Variants in TMPRSS12 observed in about 807,000 individuals in gnomAD.
TMPRSS12 encodes the protein transmembrane protease serine 12.
In TMPRSS12, 25 loss-of-function variants were observed where a neutral mutation model predicts 26.0. The ratio of observed to expected loss-of-function variants is 0.96; its 90% confidence interval spans 0.70 to 1.34. TMPRSS12 has a LOEUF of 1.34. Among genes scored for constraint, TMPRSS12 ranks in the 40% most tolerant of loss-of-function variants. TMPRSS12 has a pLI of 0.00. For missense variants in TMPRSS12, 441 were observed against 440.1 expected, an observed-to-expected ratio of 1.00 and a Z score of -0.02; for synonymous variants, 150 against 161.7, an observed-to-expected ratio of 0.93 and a Z score of 0.55.
intron 3 of TMPRSS12, among the ~76,000 whole-genome samples, chr12:50,878,665 A>G (rs754231405): frequency 4.6e-5 from 7 of 152,224 alleles, no homozygotes; most frequent in Non-Finnish European, 8.8e-5. Flanking sequence ...ATTTATGGCC[A>G]GTTGATTTTC....
chr12:50,847,125 C>A (rs1937777314), intron 2 of TMPRSS12, among the ~76,000 whole-genome samples: 1 of 136,762 alleles, frequency 7.3e-6, no homozygotes, highest in Non-Finnish European at 1.5e-5. Flanking sequence ...GTGGCGCGAT[C>A]TCGGCTCACT....
chr12:50,861,937 G>C (rs1937939844), intron 3 of TMPRSS12, among the ~76,000 whole-genome samples: 1 of 151,786 alleles, frequency 6.6e-6, no homozygotes, highest in South Asian at 2.1e-4. Flanking sequence ...AGCCTCCCCA[G>C]TAGCTGGGAC....
At chr12:50,850,410 C>T (rs1273175648) in intron 2 of TMPRSS12, among the ~76,000 whole-genome samples, 3 of 152,144 alleles carry the variant, frequency 2.0e-5, no homozygotes, top group Admixed American at 2.0e-4. Flanking sequence ...GAGACCCTGT[C>T]TCTACAAAAA....
intron 3 of TMPRSS12, among the ~76,000 whole-genome samples, chr12:50,871,664 TGA>T (rs1938043796): frequency 6.6e-6 from 1 of 151,628 alleles, no homozygotes; most frequent in South Asian, 2.1e-4. Flanking sequence ...ACCCACAGAG[TGA>T]GAGAAAATCT....
intron 3 of TMPRSS12, among the ~76,000 whole-genome samples, chr12:50,859,586 G>A (rs1235812636): frequency 6.6e-6 from 1 of 151,980 alleles, no homozygotes; most frequent in Non-Finnish European, 1.5e-5. Flanking sequence ...TCGAACTCCT[G>A]GCCTCCTGTG....
intron 3 of TMPRSS12, among the ~76,000 whole-genome samples, chr12:50,882,421 C>T (rs1938184900): frequency 6.9e-6 from 1 of 145,734 alleles, no homozygotes; most frequent in South Asian, 2.2e-4. Context: ...GAAAAAAAGA[C>T]ATAAAGGTAA....
intron 3 of TMPRSS12, among the ~76,000 whole-genome samples, chr12:50,882,981 G>T (rs778607869): frequency 6.6e-6 from 1 of 152,076 alleles, no homozygotes; most frequent in Non-Finnish European, 1.5e-5. Context: ...ATAAATGCAG[G>T]CATTTCAAAC....
intron 3 of TMPRSS12, among the ~76,000 whole-genome samples, chr12:50,870,015 G>A (rs144673347): frequency 0.059 from 9,039 of 152,066 alleles, 306 homozygotes; most frequent in Middle Eastern, 0.12. Context: ...CCCAGGAGGC[G>A]GAGGTTGCAG....
At chr12:50,848,838 G>T (rs977061109) in intron 2 of TMPRSS12, among the ~76,000 whole-genome samples, 2 of 152,206 alleles carry the variant, frequency 1.3e-5, no homozygotes, top group Non-Finnish European at 2.9e-5. Context: ...ATAGGATATG[G>T]ATATGAGTAT....
At chr12:50,876,847 C>T (rs900283768) in intron 3 of TMPRSS12, among the ~76,000 whole-genome samples, 3 of 145,956 alleles carry the variant, frequency 2.1e-5, no homozygotes, top group African/African-American at 7.6e-5. Context: ...AAGTGTGGTA[C>T]ATATGCACCA....
intron 3 of TMPRSS12, among the ~76,000 whole-genome samples, chr12:50,881,983 A>T (rs1592225571): frequency 4.0e-4 from 10 of 25,116 alleles, no homozygotes; most frequent in Admixed American, 1.1e-3. Flanking sequence ...AAAAAAAAAA[A>T]AAAAAAAAAA....
intron 2 of TMPRSS12, among the ~76,000 whole-genome samples, chr12:50,844,460 G>T (rs532803123): frequency 4.0e-5 from 6 of 151,548 alleles, no homozygotes; most frequent in Middle Eastern, 3.4e-3. Context: ...TGCAACCTCC[G>T]CCTCCTGGGT....
chr12:50,873,321 T>C (rs960208366), intron 3 of TMPRSS12, among the ~76,000 whole-genome samples: 2 of 151,920 alleles, frequency 1.3e-5, no homozygotes, highest in African/African-American at 4.8e-5. Flanking sequence ...CCACCTGTAC[T>C]CCAATAACCT....
Position 50,885,481 on chromosome 12 carries a change from T to C in TMPRSS12, c.795+93T>C, listed in dbSNP as rs760686340. The C allele has an allele frequency of 1.3e-5, 18 of 1,364,284 alleles. No individual in the cohort carries two copies. In the African/African-American group the frequency reaches 2.4e-4, roughly 18 times the overall value. The allele number at this position is 1,364,284 out of a possible 1,614,324, so 84.5% of individuals were successfully genotyped here. A position where few individuals can be genotyped will look rare whatever the true frequency, so the allele number is the denominator to read the frequency against. On this transcript the variant is annotated intron_variant, in intron 4 of 4. Transcript: ENST00000398458. ...TTGATAACTTTCTGGTGGTCTTAAT[T>C]ATCAGGCCTAAAAATAATAAATCAT...
chr12:50,887,537 C>G lies in TMPRSS12; in HGVS notation c.*24C>G. 1 of 1,600,368 alleles carries G rather than the reference C, an allele frequency of 6.2e-7. No individual in the cohort carries two copies. The highest frequency in any genetic ancestry group is 8.5e-7 in the Non-Finnish European group (1 of 1,174,504). ...AAAGAAATTCTGAAGGCTTTCATAT[C>G]TTTATTTTGCATTGTGTCCCTTTCT... On this transcript the variant is annotated 3_prime_UTR_variant, in exon 5 of 5. Coordinates refer to ENST00000398458, the MANE Select transcript of TMPRSS12 (RefSeq NM_182559.3).
chr12:50,869,254 A>G (rs1938020159), intron 3 of TMPRSS12, among the ~76,000 whole-genome samples: 1 of 152,140 alleles, frequency 6.6e-6, no homozygotes, highest in Non-Finnish European at 1.5e-5. Flanking sequence ...GGCCATTAGC[A>G]GGATTAACCA....
Position 50,860,537 on chromosome 12 carries a change from T to C in TMPRSS12, c.652+1484T>C, listed in dbSNP as rs561896129. Among the ~76,000 whole-genome samples the C allele has an allele frequency of 9.8e-5, 15 of 152,318 alleles. No individual in the cohort carries two copies. The South Asian group carries it at 2.9e-3, about 29-fold the overall frequency. ...CTCAAGCAATTCTCCTGCTTCAGCC[T>C]CTCCAATAGCTGGGACTACAGGCAT... On this transcript the variant is annotated intron_variant, in intron 3 of 4. Coordinates refer to ENST00000398458, the MANE Select transcript of TMPRSS12 (RefSeq NM_182559.3).
chr12:50,862,571 G>A (rs572134955), intron 3 of TMPRSS12, among the ~76,000 whole-genome samples: 3 of 152,110 alleles, frequency 2.0e-5, no homozygotes, highest in South Asian at 4.2e-4. Context: ...TGTCACCCAG[G>A]CTGGAAGGTG....
At chr12:50,855,531 G>T (rs1274982969) in intron 2 of TMPRSS12, among the ~76,000 whole-genome samples, 1 of 152,104 alleles carries the variant, frequency 6.6e-6, no homozygotes, top group African/African-American at 2.4e-5. Flanking sequence ...AGTCAGAATG[G>T]CTATTCTTAA....
Sources: gnomAD v4.1 joint callset for allele counts (sites outside exome capture counted in the v4.1 genomes callset) on GRCh38, gnomAD v4.1.1 for gene constraint, MANE v1.5 for transcripts, NCBI Gene and HGNC (gene_info 2026-07-23, HGNC 2026-07-21) for gene names.